NLRP4: variants seen among roughly 807,000 people sequenced by gnomAD.
The protein encoded by NLRP4 is NLR family pyrin domain containing 4.
In NLRP4, 44 loss-of-function variants were observed where a neutral mutation model predicts 84.7. That is an observed-to-expected ratio of 0.52 (90% confidence interval 0.41 to 0.67). The LOEUF is 0.67. Ranked by LOEUF, NLRP4 falls within the 30% of genes least tolerant of loss-of-function variation. NLRP4 has a pLI of 0.00. For synonymous variants in NLRP4, 544 were observed against 476.4 expected, an observed-to-expected ratio of 1.14 and a Z score of -1.85; for missense variants, 1,260 against 1,219.4, an observed-to-expected ratio of 1.03 and a Z score of -0.50.
At chr19:55,876,647 G>T (rs1985383060) in intron 7 of NLRP4, among the ~76,000 whole-genome samples, 1 of 152,104 alleles carries the variant, frequency 6.6e-6, no homozygotes, top group South Asian at 2.1e-4. Context: ...ACACGCATGA[G>T]CCACCGCATC....
rs552073428 is a variant in NLRP4 at position 55,878,868 on chromosome 19, A to G, written c.2771A>G (p.Gln924Arg). The G allele has an allele frequency of 1.4e-4, 232 of 1,614,060 alleles. 7 individuals are homozygous for G. The South Asian group carries it at 2.4e-3, about 17-fold the overall frequency. ...ASVLTCSKTL[Q>R]QLNLTLNTLD... ...GTTCTCACCTGCAGTAAGACCCTGCAGCAGCTCAACCTGACCTTGAACACC... is the reference window on the plus strand; with the variant it reads ...GTTCTCACCTGCAGTAAGACCCTGCGGCAGCTCAACCTGACCTTGAACACC... Residue 924 changes from glutamine (Q) to arginine (R), a missense_variant, in exon 9 of 10, where the codon CAG (glutamine) becomes CGG (arginine). Coordinates refer to ENST00000301295, the MANE Select transcript of NLRP4 (RefSeq NM_134444.5).
chr19:55,849,831 A>AGCTGCGGTGTAATTTCCGT (rs1436898033), intron 1 of NLRP4, among the ~76,000 whole-genome samples: 3 of 114,656 alleles, frequency 2.6e-5, no homozygotes, highest in Admixed American at 8.0e-5. Context: ...GTAATTTCCG[A>AGCTGCGGTGTAATTTCCGT]AGCTGCGGTG....
At chr19:55,839,496 G>A (rs390824) in intron 1 of NLRP4, among the ~76,000 whole-genome samples, 14,816 of 141,606 alleles carry the variant, frequency 0.1, 862 homozygotes, top group African/African-American at 0.15. Flanking sequence ...AAAAAAAAAA[G>A]CTTTCAAAAC....
Position 55,858,740 on chromosome 19 carries a change from G to A in NLRP4, c.1347G>A (p.Val449=). ...ACGGGGAGCGTGAGAGCTCCTACGT[G>A]TTCCTCCACGTGTGTATCCAGGAGT... ...LKYGERESSY[V]FLHVCIQEFC... is the part of the protein sequence containing the mutation. The change falls in exon 3 of 10, where the codon GTG becomes GTA. Residue 449 remains valine (V), a synonymous_variant. Coordinates refer to ENST00000301295, the MANE Select transcript of NLRP4 (RefSeq NM_134444.5). This position sits in a 1 kb window ranked among gnomAD's most constrained non-coding sequence, Gnocchi z 4.2. The A allele has an allele frequency of 6.2e-7, 1 of 1,614,140 alleles. No homozygotes were observed. Among genetic ancestry groups the A allele is most frequent in the South Asian group, 1.1e-5 (1 of 91,078 alleles).
chr19:55,861,487 C>T lies in NLRP4; in HGVS notation c.1958C>T (p.Ser653Leu), dbSNP rs548941860. Residue 653 changes from serine to leucine, a missense_variant, in exon 4 of 10, where the codon TCG becomes TTG. Transcript: ENST00000301295. Reference sequence around the variant, plus strand: ...GTGCAGGACAGCACCCTCAGCGAGTCGACCTTTGTGACCTGGTGTAACCAG... The same window carrying T: ...GTGCAGGACAGCACCCTCAGCGAGTTGACCTTTGTGACCTGGTGTAACCAG... Reference protein sequence around the residue: ...LQVQDSTLSESTFVTWCNQLR... With the variant: ...LQVQDSTLSELTFVTWCNQLR... The T allele has an allele frequency of 2.0e-5, 33 of 1,614,146 alleles. No homozygotes were observed. Among genetic ancestry groups the T allele is most frequent in the African/African-American group, 1.9e-4 (14 of 75,048 alleles).
intron 6 of NLRP4, among the ~76,000 whole-genome samples, chr19:55,869,164 G>C (rs1985075064): frequency 6.6e-6 from 1 of 151,886 alleles, no homozygotes; most frequent in Non-Finnish European, 1.5e-5. Context: ...GGTAGACTCT[G>C]TGAGTTGGTG....
In NLRP4 at chr19:55,867,787, T is replaced by C. The variant is rs1985018425; in HGVS notation, c.2265T>C (p.Tyr755=). ...TAACCAACAACAAGAAGCTGACGTA[T>C]CTGAATGTATCCTGCAACCAGTTAG... ...GLLTNNKKLT[Y]LNVSCNQLDT... Residue 755 remains tyrosine, a synonymous_variant, in exon 6 of 10, where the codon TAT becomes TAC. Coordinates refer to ENST00000301295, the MANE Select transcript of NLRP4 (RefSeq NM_134444.5). 6.2e-7 allele frequency: 1 copy of C among 1,614,164 alleles called. No individual in the cohort carries two copies. Among genetic ancestry groups the C allele is most frequent in the East Asian group, 2.2e-5 (1 of 44,880 alleles).
intron 1 of NLRP4, among the ~76,000 whole-genome samples, chr19:55,849,929 C>T (rs1314254090): frequency 6.8e-6 from 1 of 147,836 alleles, no homozygotes. Flanking sequence ...GGTGTAATTT[C>T]CGTAGCCGCG....
In NLRP4 at chr19:55,877,129, G is replaced by T. The variant is rs142659888; in HGVS notation, c.2659G>T (p.Ala887Ser). ...TGTGGGTGTGCAGCTGTTGTGTCGG[G>T]CTCTGACGCATACGGATTGCCGCTT... The part of the protein sequence containing the change: ...GDVGVQLLCR[A>S]LTHTDCRLEI... The change falls in exon 8 of 10, where the codon GCT becomes TCT. Residue 887 changes from alanine to serine, a missense_variant. By Grantham distance (99) the Ala-to-Ser change is moderately conservative (BLOSUM62 1). This residue lies in a region of NLRP4 where 544 missense variants were observed against 531.7 expected (regional missense o/e 1.02). Coordinates refer to ENST00000301295, the MANE Select transcript of NLRP4 (RefSeq NM_134444.5). The T allele has an allele frequency of 2.5e-6, 4 of 1,614,094 alleles. No homozygotes were observed. In the African/African-American group the frequency reaches 4.0e-5, roughly 16 times the overall value.
intron 7 of NLRP4, among the ~76,000 whole-genome samples, chr19:55,875,756 C>T (rs375721846): frequency 1.3e-5 from 2 of 151,970 alleles, no homozygotes; most frequent in South Asian, 2.1e-4. Flanking sequence ...GGGCCAGGCG[C>T]GGTGGCTCAC....
chr19:55,855,083 C>T (rs113605381), intron 2 of NLRP4, among the ~76,000 whole-genome samples: 9 of 152,068 alleles, frequency 5.9e-5, no homozygotes, highest in African/African-American at 2.2e-4. Context: ...TGGTGTCACA[C>T]GCTGAGGTCT....
intron 1 of NLRP4, among the ~76,000 whole-genome samples, chr19:55,848,250 A>G (rs974101489): frequency 1.3e-5 from 2 of 152,094 alleles, no homozygotes; most frequent in African/African-American, 4.8e-5. Context: ...CCACGAAGGA[A>G]AGGTGCCCTT....
rs558279169 is a variant in NLRP4, at chr19:55,848,255, G to A, written c.-65-3761G>A. On this transcript the variant is annotated intron_variant, in intron 1 of 9. Coordinates refer to ENST00000301295, the MANE Select transcript of NLRP4 (RefSeq NM_134444.5). ...AGGAGGAAGACCACGAAGGAAAGGT[G>A]CCCTTCCCATCATATCATATGCTAC... is the stretch of plus-strand genomic sequence containing the variant. Among the ~76,000 whole-genome samples, 82 of 152,234 alleles carry A rather than the reference G, an allele frequency of 5.4e-4. 1 individual carries two copies. The highest frequency in any genetic ancestry group is 1.9e-3 in the African/African-American group (77 of 41,546).
chr19:55,860,600 A>G (rs753880734), intron 3 of NLRP4, among the ~76,000 whole-genome samples: 11 of 152,076 alleles, frequency 7.2e-5, no homozygotes, highest in Non-Finnish European at 1.0e-4. Context: ...CAAAAGAATC[A>G]TATGAGGTGG....
intron 3 of NLRP4, among the ~76,000 whole-genome samples, chr19:55,859,926 C>CAAAAAAAAAAAAAA (rs1166037425): frequency 2.3e-4 from 4 of 17,502 alleles, no homozygotes; most frequent in African/African-American, 8.8e-4. Context: ...CTCTCATCTC[C>CAAAAAAAAAAAAAA]AAAAAAAAAA....
chr19:55,844,786 G>C (rs929098693), intron 1 of NLRP4, among the ~76,000 whole-genome samples: 1 of 152,130 alleles, frequency 6.6e-6, no homozygotes, highest in Non-Finnish European at 1.5e-5. Context: ...TCATACTTCA[G>C]CATGTAACTT....
chr19:55,877,150 C>G lies in NLRP4; in HGVS notation c.2680C>G (p.Arg894Gly). 2 of 1,613,612 alleles carry G rather than the reference C, an allele frequency of 1.2e-6. No individual in the cohort carries two copies. The highest frequency in any genetic ancestry group is 1.1e-5 in the South Asian group (1 of 91,038). ...LCRALTHTDC[R>G]LEILGLEECG... ...TCGGGCTCTGACGCATACGGATTGC[C>G]GCTTAGAGATTCTTGGGTGGGTATC... is the stretch of plus-strand genomic sequence containing the variant. Residue 894 changes from arginine (R) to glycine (G), a missense_variant, in exon 8 of 10, where the codon CGC (arginine) becomes GGC (glycine). Physicochemically the swap from Arg to Gly is moderately radical, Grantham distance 125 (BLOSUM62 -2). Coordinates refer to ENST00000301295, the MANE Select transcript of NLRP4 (RefSeq NM_134444.5).
chr19:55,876,931 C>G, intron 7 of NLRP4, 65 bp from the exon 8 acceptor site: 1 of 1,378,456 alleles, frequency 7.3e-7, no homozygotes, highest in Non-Finnish European at 1.0e-6. Flanking sequence ...GCTTTGGTGT[C>G]TCTTTTCCTG....
chr19:55,861,945 T>C, intron 4 of NLRP4, 47 bp from the exon 5 acceptor site: 1 of 1,286,716 alleles, frequency 7.8e-7, no homozygotes. Flanking sequence ...GTGCAGGCTG[T>C]GCTCCCATTA....
Sources: gnomAD v4.1 joint callset for allele counts (sites outside exome capture counted in the v4.1 genomes callset) on GRCh38, gnomAD v4.1.1 for gene constraint, gnomAD v4.1.1 regional missense constraint, Gnocchi (gnomAD v3.1) non-coding constraint, MANE v1.5 for transcripts, NCBI Gene and HGNC (gene_info 2026-07-23, HGNC 2026-07-21) for gene names.